NCKAP5: variants seen among roughly 807,000 people sequenced by gnomAD.
The protein encoded by NCKAP5 is NCK associated protein 5.
A neutral mutation model predicts 167.0 loss-of-function variants in NCKAP5; 92 were observed. The observed-to-expected ratio is 0.55, with a 90% CI of 0.47 to 0.66. The LOEUF is 0.66. Ranked by LOEUF, NCKAP5 falls within the 30% of genes least tolerant of loss-of-function variation. The probability of loss-of-function intolerance (pLI) is 0.00; values close to 1 mark genes in which losing one functional copy is unlikely to be tolerated. For synonymous variants in NCKAP5, 891 were observed against 877.4 expected (o/e 1.02, Z -0.27); for missense variants, 2,378 against 2,315.0 (o/e 1.03, Z -0.56).
At chr2:133,543,465 T>C (rs550436162) in intron 2 of NCKAP5, among the ~76,000 whole-genome samples, 1 of 152,356 alleles carries the variant, frequency 6.6e-6, no homozygotes, top group South Asian at 2.1e-4. Context: ...CGAGAAATGT[T>C]AGCTATTCAA....
At chr2:133,458,700 C>T (rs561845905) in intron 3 of NCKAP5, among the ~76,000 whole-genome samples, 1 of 152,004 alleles carries the variant, frequency 6.6e-6, no homozygotes, top group Non-Finnish European at 1.5e-5. Flanking sequence ...GTTATGGATA[C>T]ATTTTCCTGG....
chr2:132,792,869 C>G (rs1436717562), intron 12 of NCKAP5, among the ~76,000 whole-genome samples: 1 of 152,190 alleles, frequency 6.6e-6, no homozygotes, highest in African/African-American at 2.4e-5. Context: ...GCCCTGCCCA[C>G]TCATGTCCAT....
the NCKAP5 span, among the ~76,000 whole-genome samples, chr2:133,665,714 A>C: frequency 2.6e-5 from 4 of 151,884 alleles, no homozygotes; most frequent in Admixed American, 6.5e-5. Flanking sequence ...ACTGGGAAAA[A>C]ACCACAATAT....
At chr2:133,199,921 T>C (rs1460768721) in intron 5 of NCKAP5, among the ~76,000 whole-genome samples, 1 of 151,884 alleles carries the variant, frequency 6.6e-6, no homozygotes, top group Non-Finnish European at 1.5e-5. Context: ...TCAACAACAT[T>C]ATGCTGTGTG....
the NCKAP5 span, among the ~76,000 whole-genome samples, chr2:133,577,680 A>T: frequency 4.3e-4 from 66 of 151,814 alleles, no homozygotes; most frequent in East Asian, 0.012. Context: ...CCCCCACCCC[A>T]CAACAGTCCC....
At chr2:132,987,537 A>G (rs1351989628) in intron 7 of NCKAP5, among the ~76,000 whole-genome samples, 1 of 152,228 alleles carries the variant, frequency 6.6e-6, no homozygotes, top group Non-Finnish European at 1.5e-5. Context: ...ATCACTTTAA[A>G]TGGAAATAAC....
intron 3 of NCKAP5, among the ~76,000 whole-genome samples, chr2:133,489,693 T>C (rs1176291081): frequency 1.3e-5 from 2 of 152,062 alleles, no homozygotes; most frequent in Admixed American, 1.3e-4. Flanking sequence ...AAAATCACAA[T>C]ACAATACATG....
chr2:132,699,850 T>A (rs1687710484), intron 19 of NCKAP5, among the ~76,000 whole-genome samples: 1 of 152,224 alleles, frequency 6.6e-6, no homozygotes, highest in Non-Finnish European at 1.5e-5. Flanking sequence ...TACCCAGTAA[T>A]GGGATGGCTG....
At chr2:133,410,475 G>T (rs549905852) in intron 3 of NCKAP5, among the ~76,000 whole-genome samples, 2 of 152,238 alleles carry the variant, frequency 1.3e-5, no homozygotes, top group South Asian at 2.1e-4. Flanking sequence ...TACATCAAAG[G>T]GTTCTTAGGA....
chr2:132,822,291 T>C (rs1686807012), intron 11 of NCKAP5, among the ~76,000 whole-genome samples: 1 of 152,208 alleles, frequency 6.6e-6, no homozygotes. Flanking sequence ...CCATGGACAC[T>C]TACAGAGTCC....
intron 4 of NCKAP5, among the ~76,000 whole-genome samples, chr2:133,291,846 A>G (rs1053010998): frequency 3.9e-5 from 6 of 152,152 alleles, no homozygotes; most frequent in African/African-American, 1.4e-4. Flanking sequence ...CCTATTCCTG[A>G]TTCTTTGATT....
At chr2:132,811,551 C>A (rs1558809538) in intron 11 of NCKAP5, among the ~76,000 whole-genome samples, 1 of 152,038 alleles carries the variant, frequency 6.6e-6, no homozygotes, top group Non-Finnish European at 1.5e-5. Flanking sequence ...AGTCACAGGC[C>A]TCACCCAGCT....
rs113209195 is a variant in NCKAP5 at position 133,343,713 on chromosome 2, T to C, written c.70-40603A>G. On this transcript the variant is annotated intron_variant, in intron 3 of 19. Transcript: ENST00000409261. ...ATCATATGTAAAGGACATCCCAAGT[T>C]CCCTGTACTCACGGAGGTTAAATTC... is the stretch of plus-strand genomic sequence containing the variant. Among the ~76,000 whole-genome samples, 257 of 152,282 alleles carry C rather than the reference T, an allele frequency of 1.7e-3. 3 individuals are homozygous for C. Among genetic ancestry groups the C allele is most frequent in the African/African-American group, 6.0e-3 (248 of 41,556 alleles).
intron 6 of NCKAP5, among the ~76,000 whole-genome samples, chr2:133,012,208 C>G (rs1198825953): frequency 8.5e-5 from 13 of 152,314 alleles, no homozygotes; most frequent in Non-Finnish European, 1.5e-5. Context: ...CAACAACTAA[C>G]TTCAATCTGA....
intron 8 of NCKAP5, among the ~76,000 whole-genome samples, chr2:132,915,172 C>T (rs968673148): frequency 2.6e-5 from 4 of 152,008 alleles, no homozygotes; most frequent in African/African-American, 9.7e-5. Context: ...ATCTGCTAGA[C>T]TTGTGGCTAA....
intron 2 of NCKAP5, among the ~76,000 whole-genome samples, chr2:133,550,163 G>C (rs2104947155): frequency 6.9e-6 from 1 of 144,434 alleles, no homozygotes; most frequent in Non-Finnish European, 1.5e-5. Context: ...AATTCTACCA[G>C]AGGTACAAGG....
intron 1 of NCKAP5, among the ~76,000 whole-genome samples, chr2:133,563,859 T>G (rs1688356477): frequency 6.6e-6 from 1 of 152,080 alleles, no homozygotes. Context: ...TGGGGTTGAG[T>G]GCAGTGTCTC....
intron 6 of NCKAP5, among the ~76,000 whole-genome samples, chr2:133,009,792 G>A (rs948206733): frequency 2.0e-5 from 3 of 151,722 alleles, no homozygotes; most frequent in African/African-American, 7.3e-5. Context: ...TCTCTGGGCC[G>A]GGCGCAGTGG....
At chr2:132,883,351 G>C (rs534267728) in intron 8 of NCKAP5, among the ~76,000 whole-genome samples, 2 of 151,812 alleles carry the variant, frequency 1.3e-5, no homozygotes, top group East Asian at 1.9e-4. Flanking sequence ...ACTTTGCCAG[G>C]GTATATCATT....
Sources: allele counts gnomAD v4.1 joint callset (sites outside exome capture counted in the v4.1 genomes callset), GRCh38; gene constraint gnomAD v4.1.1; transcripts MANE v1.5; gene names NCBI Gene and HGNC (gene_info 2026-07-23, HGNC 2026-07-21).